The following DSP variants were observed in gnomAD, a reference collection of about 807,000 sequenced individuals.
DSP encodes the protein 250/210 kDa paraneoplastic pemphigus antigen.
Under a neutral mutation model 290.6 loss-of-function variants are expected in DSP, and 114 were observed. The ratio of observed to expected loss-of-function variants is 0.39; its 90% confidence interval spans 0.34 to 0.46. The LOEUF is 0.46. Ranked by LOEUF, DSP falls within the 20% of genes least tolerant of loss-of-function variation. DSP has a pLI of 0.99. For synonymous variants in DSP, 1,311 were observed against 1,316.4 expected (o/e 1.00, Z 0.09); for missense variants, 3,230 against 3,495.8 (o/e 0.92, Z 1.92).
Position 7,576,530 on chromosome 6 carries a change from G to T in DSP, c.2793+74G>T, listed in dbSNP as rs1399889974. On this transcript the variant is annotated intron_variant, in intron 19 of 23. Transcript: ENST00000379802. Reference sequence around the variant, plus strand: ...TAATTCATGTTTTCCTCTGGTTTTTGTATCAGTGCCTAGGTTTGAAATGAT... The same window carrying T: ...TAATTCATGTTTTCCTCTGGTTTTTTTATCAGTGCCTAGGTTTGAAATGAT... The T allele has an allele frequency of 2.6e-6, 4 of 1,566,492 alleles. No homozygotes were observed. The East Asian group carries it at 9.0e-5, about 35-fold the overall frequency.
At chr6:7,548,033 C>A (rs911370417) in intron 1 of DSP, among the ~76,000 whole-genome samples, 1 of 152,072 alleles carries the variant, frequency 6.6e-6, no homozygotes, top group African/African-American at 2.4e-5. Context: ...CTTTGGGAGG[C>A]CGAGGTGGGC....
chr6:7,585,818 C>T lies in DSP; in HGVS notation c.8556C>T (p.Ala2852=), dbSNP rs1163538965. Reference sequence around the variant, plus strand: ...GGTCCCGGAGAGGAAGCTTTGACGCCACAGGGAATTCTTCCTACTCTTATT... The same window carrying T: ...GGTCCCGGAGAGGAAGCTTTGACGCTACAGGGAATTCTTCCTACTCTTATT... ...RSGSRRGSFD[A]TGNSSYSYSY... Residue 2852 remains alanine, a synonymous_variant, in exon 24 of 24, where the codon GCC becomes GCT. Coordinates refer to ENST00000379802, the MANE Select transcript of DSP (RefSeq NM_004415.4). 2.5e-6 allele frequency: 4 copies of T among 1,612,254 alleles called. No homozygotes were observed. Among genetic ancestry groups the T allele is most frequent in the Non-Finnish European group, 3.4e-6 (4 of 1,179,510 alleles).
At chr6:7,545,459 T>C (rs939014337) in intron 1 of DSP, among the ~76,000 whole-genome samples, 1 of 152,240 alleles carries the variant, frequency 6.6e-6, no homozygotes, top group Non-Finnish European at 1.5e-5. Flanking sequence ...TGGTTTTCCC[T>C]GTGCCTTCAC....
At chr6:7,552,225 A>T (rs1758360927) in intron 1 of DSP, among the ~76,000 whole-genome samples, 1 of 152,156 alleles carries the variant, frequency 6.6e-6, no homozygotes, top group Non-Finnish European at 1.5e-5. Context: ...ATTTACTAAG[A>T]TGCTGTGCAA....
chr6:7,546,775 C>T (rs1330916053), intron 1 of DSP, among the ~76,000 whole-genome samples: 1 of 152,190 alleles, frequency 6.6e-6, no homozygotes, highest in Non-Finnish European at 1.5e-5. Context: ...TGTAGAGTTT[C>T]TATCTGCTTA....
intron 4 of DSP, among the ~76,000 whole-genome samples, chr6:7,560,983 A>G (rs1198079647): frequency 1.4e-5 from 2 of 147,844 alleles, no homozygotes; most frequent in African/African-American, 2.5e-5. Context: ...AGGGAGTCTC[A>G]CTCTGTTGCC....
chr6:7,554,125 A>ACACACACACACACACACACACC (rs772041102), intron 1 of DSP, among the ~76,000 whole-genome samples: 1,631 of 144,176 alleles, frequency 0.011, 22 homozygotes, highest in African/African-American at 0.017. Context: ...ACACACACAC[A>ACACACACACACACACACACACC]CCCAGTTGGT....
chr6:7,565,276 C>T lies in DSP; in HGVS notation c.778-83C>T. On this transcript the variant is annotated intron_variant, in intron 6 of 23. Transcript: ENST00000379802. This position sits in a 1 kb window ranked among gnomAD's most constrained non-coding sequence, Gnocchi z 4.2. ...CGTGTGATTTTTTTTTTAAAGGGAC[C>T]ACAGGTTTAATCTTTAAACCTGCAG... 13 of 1,543,200 alleles carry T rather than the reference C, an allele frequency of 8.4e-6. No individual in the cohort carries two copies. The highest frequency in any genetic ancestry group is 8.2e-5 in the African/African-American group (6 of 73,468).
chr6:7,558,247 T>C lies in DSP; in HGVS notation c.405T>C (p.Cys135=). ...IREMRQMGQP[C]DAYQKRLLQL... is the part of the protein sequence containing the mutation. ...AGATGCGGCAGATGGGCCAGCCCTGTGATGCTTACCAGAAAAGGTATTGTC... is the reference window on the plus strand; with the variant it reads ...AGATGCGGCAGATGGGCCAGCCCTGCGATGCTTACCAGAAAAGGTATTGTC... The change falls in exon 3 of 24, where the codon TGT becomes TGC. Residue 135 remains cysteine, a synonymous_variant. Transcript: ENST00000379802. The C allele has an allele frequency of 6.2e-7, 1 of 1,614,118 alleles. No individual in the cohort carries two copies. Among genetic ancestry groups the C allele is most frequent in the Non-Finnish European group, 8.5e-7 (1 of 1,180,000 alleles).
At chr6:7,554,125 A>ACACACACACACCCC (rs772041102) in intron 1 of DSP, among the ~76,000 whole-genome samples, 3 of 144,398 alleles carry the variant, frequency 2.1e-5, no homozygotes, top group Non-Finnish European at 1.5e-5. Context: ...ACACACACAC[A>ACACACACACACCCC]CCCAGTTGGT....
Position 7,565,598 on chromosome 6 carries a change from G to A in DSP, c.939+78G>A. On this transcript the variant is annotated intron_variant, in intron 7 of 23. Coordinates refer to ENST00000379802, the MANE Select transcript of DSP (RefSeq NM_004415.4). This position sits in a 1 kb window ranked among gnomAD's most constrained non-coding sequence, Gnocchi z 4.2. ...AGAGCTGGGGTCTCGGGGAATGATT[G>A]GTCTATTAATAATTTAATCAGCCAC... 6.4e-7 allele frequency: 1 copy of A among 1,558,100 alleles called. No individual in the cohort carries two copies.
intron 9 of DSP, 104 bp downstream of exon 9, chr6:7,567,553 A>G: frequency 8.2e-7 from 1 of 1,224,256 alleles, no homozygotes; most frequent in Non-Finnish European, 1.2e-6. Flanking sequence ...ATGTTGCATA[A>G]ATCCTCTTCA....
In DSP at chr6:7,581,339, C is replaced by G. The variant is rs1759433551; in HGVS notation, c.5149C>G (p.His1717Asp). 27 of 1,614,166 alleles carry G rather than the reference C, an allele frequency of 1.7e-5. No homozygotes were observed. The highest frequency in any genetic ancestry group is 2.1e-5 in the Non-Finnish European group (25 of 1,180,034). ...TCTCACAGAGAACCTGACCAAGGAGCACTTGATGTTAGAAGAAGAACTGCG... is the reference window on the plus strand; with the variant it reads ...TCTCACAGAGAACCTGACCAAGGAGGACTTGATGTTAGAAGAAGAACTGCG... ...QSLTENLTKE[H>D]LMLEEELRNL... The change falls in exon 23 of 24, where the codon CAC (histidine) becomes GAC (aspartate). Residue 1717 changes from histidine to aspartate, a missense_variant. This residue lies in a region of DSP where 1,714 missense variants were observed against 1,844.5 expected (regional missense o/e 0.93). Transcript: ENST00000379802.
rs769408720 is a variant in DSP at position 7,579,537 on chromosome 6, A to T, written c.3347A>T (p.Tyr1116Phe). ...ELNEKITRLT[Y>F]EIEDEKRRRK... ...AATGAGAAGATCACCCGACTGACTT[A>T]TGAGATTGAAGATGAAAAGAGAAGA... The change falls in exon 23 of 24, where the codon TAT becomes TTT. Residue 1116 changes from tyrosine (Y) to phenylalanine (F), a missense_variant. Tyr to Phe is a conservative substitution (Grantham distance 22). Transcript: ENST00000379802. The surrounding 1 kb of genome is among the most constrained non-coding windows in gnomAD (Gnocchi z 4.1). 1 of 1,613,976 alleles carries T rather than the reference A, an allele frequency of 6.2e-7. No homozygotes were observed. The highest frequency in any genetic ancestry group is 8.5e-7 in the Non-Finnish European group (1 of 1,180,014).
chr6:7,562,526 G>T, intron 4 of DSP, 126 bp from the exon 5 acceptor site: 3 of 1,539,158 alleles, frequency 1.9e-6, no homozygotes, highest in Non-Finnish European at 1.8e-6. Flanking sequence ...AAATATTCTG[G>T]CTTCAAAAAT....
At position 7,574,080 on chromosome 6, in the gene DSP, TGACA is replaced by T. The variant is rs746177210; in HGVS notation, c.2131-3_2131del. ...AATCAAAAGAGCTTTCCTTCATTTT[TGACA>T]GAGTGTGCAGAATGATTCACAAGCA... On this transcript the variant is annotated splice_acceptor_variant and splice_polypyrimidine_tract_variant and intron_variant, in intron 15 of 23. Transcript: ENST00000379802. LOFTEE classifies it high-confidence loss of function. The T allele has an allele frequency of 1.2e-6, 2 of 1,614,084 alleles. No individual in the cohort carries two copies. The highest frequency in any genetic ancestry group is 1.7e-6 in the Non-Finnish European group (2 of 1,179,962).
intron 18 of DSP, 100 bp downstream of exon 18, chr6:7,575,588 TG>T: frequency 6.9e-7 from 1 of 1,440,334 alleles, no homozygotes; most frequent in East Asian, 2.4e-5. Context: ...ACAGAGGTTT[TG>T]TTTTTTGTGT....
At chr6:7,563,622 T>A (rs993276402) in intron 5 of DSP, 114 bp from the exon 6 acceptor site, 1 of 882,960 alleles carries the variant, frequency 1.1e-6, no homozygotes, top group Non-Finnish European at 1.9e-6. Flanking sequence ...AATTCTTTCT[T>A]TCTATGGAGG....
chr6:7,572,333 A>G (rs1759080914), intron 15 of DSP, among the ~76,000 whole-genome samples: 1 of 152,198 alleles, frequency 6.6e-6, no homozygotes, highest in East Asian at 1.9e-4. Flanking sequence ...GGCTTCTTGC[A>G]GAGAACAACC....
Sources: allele counts gnomAD v4.1 joint callset (sites outside exome capture counted in the v4.1 genomes callset), GRCh38; gene constraint gnomAD v4.1.1; regional missense constraint gnomAD v4.1.1; non-coding constraint Gnocchi (gnomAD v3.1); transcripts MANE v1.5; gene names NCBI Gene and HGNC (gene_info 2026-07-23, HGNC 2026-07-21).